The following RAP1B variants were observed in gnomAD, a reference collection of about 807,000 sequenced individuals.
The protein encoded by RAP1B is RAP1B, member of RAS oncogene family.
A neutral mutation model predicts 27.5 loss-of-function variants in RAP1B; 1 was observed. That is an observed-to-expected ratio of 0.04 (90% CI 0.01 to 0.17). RAP1B has a LOEUF of 0.17. RAP1B is among the 10% of genes least tolerant of loss of function. The pLI is 1.00. For synonymous variants in RAP1B, 75 were observed against 73.1 expected (o/e 1.03, Z -0.13); for missense variants, 84 against 214.8 (o/e 0.39, Z 3.81).
chr12:68,634,225 G>A (rs546426629), intron 1 of RAP1B, among the ~76,000 whole-genome samples: 1 of 152,156 alleles, frequency 6.6e-6, no homozygotes, highest in Non-Finnish European at 1.5e-5. Context: ...CTTCCTATGT[G>A]TTACTCATTG....
chr12:68,615,443 C>T (rs911987033), intron 1 of RAP1B, among the ~76,000 whole-genome samples: 3 of 151,700 alleles, frequency 2.0e-5, no homozygotes, highest in Admixed American at 1.3e-4. Flanking sequence ...CAAAAAATTA[C>T]CTGGGCGTAG....
chr12:68,623,724 A>G (rs889933584), intron 1 of RAP1B, among the ~76,000 whole-genome samples: 1 of 152,260 alleles, frequency 6.6e-6, no homozygotes, highest in African/African-American at 2.4e-5. Flanking sequence ...CAGAATTTCT[A>G]TAAGAAGTCG....
At chr12:68,611,493 G>A (rs1870582303) in intron 1 of RAP1B, among the ~76,000 whole-genome samples, 1 of 152,020 alleles carries the variant, frequency 6.6e-6, no homozygotes, top group Non-Finnish European at 1.5e-5. Flanking sequence ...ATGGGTGGAA[G>A]TTAGAACGGA....
intron 1 of RAP1B, among the ~76,000 whole-genome samples, chr12:68,645,899 A>G (rs936675807): frequency 6.6e-6 from 1 of 152,244 alleles, no homozygotes; most frequent in Admixed American, 6.5e-5. Context: ...ACTGGAAATC[A>G]GCTGGTGTGA....
At chr12:68,640,413 G>A (rs112907539) in intron 1 of RAP1B, among the ~76,000 whole-genome samples, 14 of 151,570 alleles carry the variant, frequency 9.2e-5, no homozygotes, top group Non-Finnish European at 1.2e-4. Flanking sequence ...CTGAGGACAG[G>A]GTCTTTCTTT....
intron 1 of RAP1B, chr12:68,642,729 C>G: frequency 3.7e-6 from 4 of 1,080,852 alleles, no homozygotes; most frequent in Non-Finnish European, 5.8e-6. Context: ...TCGGCATCCA[C>G]CTGCGCAGTA....
intron 1 of RAP1B, among the ~76,000 whole-genome samples, chr12:68,613,461 G>A (rs1870763430): frequency 6.7e-6 from 1 of 149,126 alleles, no homozygotes; most frequent in Admixed American, 6.7e-5. Flanking sequence ...CCTCACCCAC[G>A]ACCGCGTGAA....
intron 1 of RAP1B, among the ~76,000 whole-genome samples, chr12:68,628,643 A>G (rs1592433575): frequency 6.6e-6 from 1 of 152,244 alleles, no homozygotes; most frequent in African/African-American, 2.4e-5. Flanking sequence ...TCCAGAAATA[A>G]AGAGGCCCTG....
At chr12:68,641,057 G>C (rs1302477313) in intron 1 of RAP1B, 1 of 152,206 alleles carries the variant, frequency 6.6e-6, no homozygotes, top group Non-Finnish European at 1.5e-5. Flanking sequence ...TGTCACCCAG[G>C]CTGGAGTGCA....
rs573379977 is a variant in RAP1B, at chr12:68,669,595, G to T, written c.*10346G>T. On this transcript the variant is annotated 3_prime_UTR_variant, in exon 8 of 8. Coordinates refer to ENST00000250559, the MANE Select transcript of RAP1B (RefSeq NM_001010942.3). ...AGGGGGGCGGATCACGAGGTCAGGA[G>T]ATGGAGACCATCCTGGCTAACATGG... 2 of 152,392 alleles carry T rather than the reference G, an allele frequency of 1.3e-5. No homozygotes were observed. The highest frequency in any genetic ancestry group is 2.9e-5 in the Non-Finnish European group (2 of 68,146). The allele number at this position is 152,392 out of a possible 1,614,324, so 9.4% of individuals were successfully genotyped here.
intron 1 of RAP1B, among the ~76,000 whole-genome samples, chr12:68,616,214 G>T (rs1463414958): frequency 6.6e-6 from 1 of 151,962 alleles, no homozygotes; most frequent in Admixed American, 6.6e-5. Context: ...CACCTGCCTC[G>T]GCCTCCCAAA....
chr12:68,655,558 C>T (rs542124732), intron 5 of RAP1B, among the ~76,000 whole-genome samples: 17 of 123,336 alleles, frequency 1.4e-4, no homozygotes, highest in Middle Eastern at 5.5e-3. Context: ...TTTTTTGAGA[C>T]GGAGTCTCAC....
At chr12:68,632,017 C>T (rs1872273265) in intron 1 of RAP1B, among the ~76,000 whole-genome samples, 1 of 151,592 alleles carries the variant, frequency 6.6e-6, no homozygotes, top group Admixed American at 6.6e-5. Context: ...CATGATGTAG[C>T]CATCTTTTTT....
In RAP1B at chr12:68,620,288, A is replaced by G. The variant is rs530148367; in HGVS notation, c.-27+9245A>G. Among the ~76,000 whole-genome samples the G allele has an allele frequency of 1.3e-3, 197 of 151,358 alleles. 1 individual carries two copies. Among genetic ancestry groups the G allele is most frequent in the African/African-American group, 4.5e-3 (185 of 41,196 alleles). On this transcript the variant is annotated intron_variant, in intron 1 of 7. Coordinates refer to ENST00000250559, the MANE Select transcript of RAP1B (RefSeq NM_001010942.3). ...ATGGACTGTGGAATGCAATGGTGCAATCTCAGCTCATTGTAACCTCCTCCT... is the reference window on the plus strand; with the variant it reads ...ATGGACTGTGGAATGCAATGGTGCAGTCTCAGCTCATTGTAACCTCCTCCT...
intron 1 of RAP1B, among the ~76,000 whole-genome samples, chr12:68,642,204 T>C (rs1388981853): frequency 1.3e-5 from 2 of 152,224 alleles, no homozygotes; most frequent in Non-Finnish European, 2.9e-5. Context: ...AATTCTTAAC[T>C]GTACAGATAG....
chr12:68,643,241 T>G (rs538085044), intron 1 of RAP1B, among the ~76,000 whole-genome samples: 299 of 152,300 alleles, frequency 2.0e-3, no homozygotes, highest in Admixed American at 4.4e-3. Flanking sequence ...GACTTAATCC[T>G]TATTTTCTAC....
chr12:68,656,577 AAC>A, intron 6 of RAP1B, 128 bp downstream of exon 6: 1 of 889,780 alleles, frequency 1.1e-6, no homozygotes, highest in Non-Finnish European at 1.8e-6. Flanking sequence ...AAAAAAAAAA[AAC>A]CCTCATGTTA....
chr12:68,637,595 A>ATC lies in RAP1B; in HGVS notation c.-26-11101_-26-11100dup, dbSNP rs1170052314. On this transcript the variant is annotated intron_variant, in intron 1 of 7. Coordinates refer to ENST00000250559, the MANE Select transcript of RAP1B (RefSeq NM_001010942.3). ...GCCTGGGTGACAAGAGTAAAACTCCATCTCAAAAAAAAAAAAAAAAAAAAA... is the reference window on the plus strand; with the variant it reads ...GCCTGGGTGACAAGAGTAAAACTCCATCTCTCAAAAAAAAAAAAAAAAAAAAA... 2.6e-5 allele frequency among the ~76,000 whole-genome samples: 2 copies of ATC among 76,162 alleles called. 1 individual carries two copies. The highest frequency in any genetic ancestry group is 5.1e-5 in the Non-Finnish European group (2 of 39,138). 50.0% of individuals were successfully genotyped at this position (76,162 alleles called of 152,430 possible).
intron 1 of RAP1B, among the ~76,000 whole-genome samples, chr12:68,645,518 C>T (rs1412920499): frequency 6.6e-6 from 1 of 152,218 alleles, no homozygotes; most frequent in African/African-American, 2.4e-5. Context: ...CTAAGGACTT[C>T]AGGAAAAGAA....
Sources: allele counts gnomAD v4.1 joint callset (sites outside exome capture counted in the v4.1 genomes callset), GRCh38; gene constraint gnomAD v4.1.1; transcripts MANE v1.5; gene names NCBI Gene and HGNC (gene_info 2026-07-23, HGNC 2026-07-21).